Variants in ZNF713 observed in about 807,000 individuals in gnomAD.
ZNF713 encodes zinc finger protein 713.
In ZNF713, 21 loss-of-function variants were observed where a neutral mutation model predicts 28.7. The observed-to-expected ratio is 0.73, with a 90% CI of 0.52 to 1.05. The LOEUF (loss-of-function observed/expected upper bound fraction) is 1.05, where lower values mean the gene tolerates loss of function less well. Ranked by LOEUF, ZNF713 falls within the 50% of genes least tolerant of loss-of-function variation. ZNF713 has a pLI of 0.00. For synonymous variants in ZNF713, 167 were observed against 178.0 expected (o/e 0.94, Z 0.49); for missense variants, 458 against 532.4 (o/e 0.86, Z 1.37).
At chr7:55,892,184 T>G (rs1785391870) in intron 1 of ZNF713, among the ~76,000 whole-genome samples, 1 of 143,420 alleles carries the variant, frequency 7.0e-6, no homozygotes, top group Admixed American at 7.6e-5. Flanking sequence ...AGGCTGAGGC[T>G]GGAGAATGGC....
At position 55,904,234 on chromosome 7, in the gene ZNF713, G is replaced by A. The variant is rs1787410662; in HGVS notation, c.-582-2019G>A. 1.8e-5 allele frequency among the ~76,000 whole-genome samples: 2 copies of A among 114,038 alleles called. 1 individual carries two copies. Among genetic ancestry groups the A allele is most frequent in the Admixed American group, 1.7e-4 (2 of 12,098 alleles). The allele number at this position is 114,038 out of a possible 152,430, so 74.8% of individuals were successfully genotyped here. A position where few individuals can be genotyped will look rare whatever the true frequency, so the allele number is the denominator to read the frequency against. On this transcript the variant is annotated intron_variant, in intron 1 of 6. Transcript: ENST00000429591. ...GCAATCCCAGCACCAGGCCGAGGCGGGTGGATCACTTGAGCTAAGGAGTTT... is the reference window on the plus strand; with the variant it reads ...GCAATCCCAGCACCAGGCCGAGGCGAGTGGATCACTTGAGCTAAGGAGTTT...
intron 1 of ZNF713, among the ~76,000 whole-genome samples, chr7:55,897,567 G>A (rs1374908881): frequency 2.6e-5 from 4 of 152,000 alleles, no homozygotes; most frequent in Admixed American, 1.3e-4. Flanking sequence ...AAGCATACAA[G>A]CATGAGCCAC....
chr7:55,911,785 G>C lies in ZNF713; in HGVS notation c.-286G>C, dbSNP rs1290937589. 1 of 152,202 alleles carries C rather than the reference G, an allele frequency of 6.6e-6. No homozygotes were observed. Among genetic ancestry groups the C allele is most frequent in the Non-Finnish European group, 1.5e-5 (1 of 68,030 alleles). The allele number at this position is 152,202 out of a possible 1,614,324, so 9.4% of individuals were successfully genotyped here. A position where few individuals can be genotyped will look rare whatever the true frequency, so the allele number is the denominator to read the frequency against. On this transcript the variant is annotated 5_prime_UTR_variant, in exon 3 of 7. Coordinates refer to ENST00000429591, the MANE Select transcript of ZNF713 (RefSeq NM_182633.3). ...CTCGGCATAAACAAGGCAAGATTCT[G>C]AGAGTGGCCGCCCCTGGAAGCAGAA...
At chr7:55,896,203 A>G (rs1210316367) in intron 1 of ZNF713, among the ~76,000 whole-genome samples, 2 of 152,174 alleles carry the variant, frequency 1.3e-5, no homozygotes, top group Non-Finnish European at 2.9e-5. Context: ...AGTGAATATA[A>G]ACACTAATAA....
intron 1 of ZNF713, among the ~76,000 whole-genome samples, chr7:55,905,924 A>G (rs1315549717): frequency 2.0e-5 from 3 of 151,916 alleles, no homozygotes; most frequent in Admixed American, 6.6e-5. Context: ...CAACATGATG[A>G]AACCCCGTCT....
chr7:55,892,765 G>T (rs111284263), intron 1 of ZNF713, among the ~76,000 whole-genome samples: 1 of 150,672 alleles, frequency 6.6e-6, no homozygotes, highest in African/African-American at 2.4e-5. Flanking sequence ...CCAGCTACTC[G>T]GGAGGCTGAA....
In ZNF713 at chr7:55,939,131, C is replaced by G. The variant is rs771850808; in HGVS notation, c.457C>G (p.Pro153Ala). 2 of 1,614,044 alleles carry G rather than the reference C, an allele frequency of 1.2e-6. No individual in the cohort carries two copies. Among genetic ancestry groups the G allele is most frequent in the Non-Finnish European group, 1.7e-6 (2 of 1,180,012 alleles). Residue 153 changes from proline to alanine, a missense_variant, in exon 7 of 7, where the codon CCA becomes GCA. Pro to Ala is a conservative substitution (Grantham distance 27). Transcript: ENST00000429591. ...LGGLWDFDYH[P>A]EFNQENHKRY... ...AGGACTCTGGGATTTTGATTACCAT[C>G]CAGAGTTTAACCAAGAAAACCACAA...
intron 6 of ZNF713, among the ~76,000 whole-genome samples, chr7:55,938,166 T>G (rs1188125863): frequency 6.6e-6 from 1 of 152,058 alleles, no homozygotes; most frequent in East Asian, 1.9e-4. Flanking sequence ...ATCACACCAC[T>G]GCACTCCAGC....
chr7:55,898,678 T>C (rs1467410190), intron 1 of ZNF713, among the ~76,000 whole-genome samples: 1 of 152,172 alleles, frequency 6.6e-6, no homozygotes, highest in Non-Finnish European at 1.5e-5. Flanking sequence ...ATCCAAACCA[T>C]ATCAAGGACT....
chr7:55,926,527 T>C (rs1477225302), intron 6 of ZNF713, among the ~76,000 whole-genome samples: 4 of 152,162 alleles, frequency 2.6e-5, no homozygotes, highest in African/African-American at 9.7e-5. Context: ...GTAAAACATT[T>C]CTGTTTGTCA....
chr7:55,920,098 A>G (rs1785967542), intron 4 of ZNF713, among the ~76,000 whole-genome samples: 1 of 152,204 alleles, frequency 6.6e-6, no homozygotes, highest in Non-Finnish European at 1.5e-5. Context: ...ATAACCCTAC[A>G]ATGGCCTCTG....
intron 1 of ZNF713, among the ~76,000 whole-genome samples, chr7:55,902,988 C>T (rs911968964): frequency 4.3e-5 from 4 of 93,952 alleles, no homozygotes; most frequent in South Asian, 4.7e-4. Context: ...AGCAAAACTC[C>T]GTCTCAAAAA....
intron 6 of ZNF713, among the ~76,000 whole-genome samples, chr7:55,927,915 A>AAAAAAAAAAAAAAAAAG (rs1562746758): frequency 6.8e-6 from 1 of 148,020 alleles, no homozygotes; most frequent in Non-Finnish European, 1.5e-5. Flanking sequence ...AAAAAAAAAA[A>AAAAAAAAAAAAAAAAAG]AAAAAGCCAC....
At chr7:55,907,992 G>A (rs925049463) in intron 2 of ZNF713, among the ~76,000 whole-genome samples, 2 of 151,916 alleles carry the variant, frequency 1.3e-5, no homozygotes, top group Non-Finnish European at 2.9e-5. Flanking sequence ...TGGGATTGCT[G>A]GGTCGAAAGG....
intron 1 of ZNF713, among the ~76,000 whole-genome samples, chr7:55,899,356 CAAAAAAAAAA>C (rs71015114): frequency 0.031 from 2,143 of 68,900 alleles, 96 homozygotes; most frequent in African/African-American, 0.11. Flanking sequence ...GATTCCATCT[CAAAAAAAAAA>C]AAAAAAAAAA....
At chr7:55,891,612 G>A (rs1472624450) in intron 1 of ZNF713, among the ~76,000 whole-genome samples, 4 of 152,096 alleles carry the variant, frequency 2.6e-5, no homozygotes, top group Non-Finnish European at 5.9e-5. Context: ...AGGAGCTCTT[G>A]AGCCCAGGCG....
intron 4 of ZNF713, among the ~76,000 whole-genome samples, chr7:55,914,110 CAA>C (rs755685299): frequency 4.0e-4 from 24 of 60,152 alleles, no homozygotes; most frequent in Non-Finnish European, 2.7e-4. Flanking sequence ...GACTCCATCT[CAA>C]AAAAAAAAAA....
chr7:55,902,178 G>A (rs985308005), intron 1 of ZNF713, among the ~76,000 whole-genome samples: 7 of 151,880 alleles, frequency 4.6e-5, no homozygotes, highest in African/African-American at 1.7e-4. Flanking sequence ...GTGACAGAGT[G>A]AGACTCCATC....
intron 1 of ZNF713, among the ~76,000 whole-genome samples, chr7:55,890,083 AT>A: frequency 6.6e-6 from 1 of 152,254 alleles, no homozygotes; most frequent in East Asian, 1.9e-4. Context: ...GGGTGCATGC[AT>A]TCCTGTGCCT....
Sources: allele counts gnomAD v4.1 joint callset (sites outside exome capture counted in the v4.1 genomes callset), GRCh38; gene constraint gnomAD v4.1.1; transcripts MANE v1.5; gene names NCBI Gene and HGNC (gene_info 2026-07-23, HGNC 2026-07-21).